TULP4: variants seen among roughly 807,000 people sequenced by gnomAD.
TULP4 encodes tubby-related protein 4.
Under a neutral mutation model 129.0 loss-of-function variants are expected in TULP4, and 16 were observed. The ratio of observed to expected loss-of-function variants is 0.12; its 90% CI spans 0.08 to 0.19. TULP4 has a LOEUF of 0.19. Among genes scored for constraint, TULP4 ranks in the 10% least tolerant of loss-of-function variants. The pLI is 1.00. For synonymous variants in TULP4, 998 were observed against 854.0 expected (o/e 1.17, Z -2.94); for missense variants, 1,842 against 2,059.1 (o/e 0.89, Z 2.04).
At chr6:158,278,266 A>G (rs143481863), upstream of TULP4, among the ~76,000 whole-genome samples, 100 of 152,320 alleles carry the variant, frequency 6.6e-4, 1 homozygote, top group African/African-American at 2.1e-3. Context: ...GTGTGGTACA[A>G]TGAGCTGTAT....
intron 1 of TULP4, among the ~76,000 whole-genome samples, chr6:158,403,911 T>C (rs1481500213): frequency 6.6e-6 from 1 of 152,180 alleles, no homozygotes; most frequent in Admixed American, 6.5e-5. Flanking sequence ...GTTTGAGTGG[T>C]TGGTGCCACT....
At chr6:158,243,847 G>GGTGTGTGTGTGT (rs57298904) in intron 1 of TULP4, among the ~76,000 whole-genome samples, 39 of 143,600 alleles carry the variant, frequency 2.7e-4, no homozygotes, top group African/African-American at 8.9e-4. Context: ...AGCTGAAATA[G>GGTGTGTGTGTGT]GTGTGTGTGT....
chr6:158,374,952 A>G (rs1777153262), intron 1 of TULP4, among the ~76,000 whole-genome samples: 1 of 152,190 alleles, frequency 6.6e-6, no homozygotes, highest in Admixed American at 6.5e-5. Context: ...CAAGTGTTAA[A>G]GAAGTTAAGG....
chr6:158,354,437 C>T (rs1032827155), intron 1 of TULP4, among the ~76,000 whole-genome samples: 2 of 152,066 alleles, frequency 1.3e-5, no homozygotes, highest in African/African-American at 2.4e-5. Context: ...CCACATTTGT[C>T]GACTGGTGTC....
intron 6 of TULP4, among the ~76,000 whole-genome samples, chr6:158,468,307 ATTTG>A (rs1435343001): frequency 6.6e-6 from 1 of 152,196 alleles, no homozygotes; most frequent in African/African-American, 2.4e-5. Flanking sequence ...TACTATTTTA[ATTTG>A]TTTAACTAAA....
intron 2 of TULP4, among the ~76,000 whole-genome samples, chr6:158,414,794 G>A (rs1028586528): frequency 5.9e-5 from 9 of 152,196 alleles, no homozygotes; most frequent in African/African-American, 1.9e-4. Flanking sequence ...AATGGAAGGG[G>A]AGCAAGGATA....
chr6:158,493,999 CTGGTCCCTCA>C lies in TULP4; in HGVS notation c.1776+283_1776+292del, dbSNP rs1780272186. On this transcript the variant is annotated intron_variant, in intron 10 of 13. Transcript: ENST00000367097. The surrounding 1 kb of genome is among the most constrained non-coding windows in gnomAD (Gnocchi z 4.4). ...GTCCAGCCCTGCCTGCCTTTCCCTC[CTGGTCCCTCA>C]GTGCCCCCTCACCCTCCGGGTGCTG... Among the ~76,000 whole-genome samples, 1 of 152,190 alleles carries C rather than the reference CTGGTCCCTCA, an allele frequency of 6.6e-6. No individual in the cohort carries two copies. Among genetic ancestry groups the C allele is most frequent in the Non-Finnish European group, 1.5e-5 (1 of 68,024 alleles).
chr6:158,416,369 A>C (rs1200464707), intron 2 of TULP4, among the ~76,000 whole-genome samples: 1 of 152,204 alleles, frequency 6.6e-6, no homozygotes, highest in African/African-American at 2.4e-5. Flanking sequence ...CAAGGTGTGG[A>C]GGCAGAAGAC....
chr6:158,466,475 A>G (rs1298686033), intron 6 of TULP4, among the ~76,000 whole-genome samples: 4 of 151,944 alleles, frequency 2.6e-5, no homozygotes, highest in African/African-American at 9.7e-5. Flanking sequence ...TTGATTAGTG[A>G]TGTTGTCGTG....
At position 158,339,447 on chromosome 6, in the gene TULP4, C is replaced by T. The variant is rs9457350; in HGVS notation, c.252+25179C>T. 2.5e-3 allele frequency among the ~76,000 whole-genome samples: 386 copies of T among 152,284 alleles called. 5 individuals carry two copies. The highest frequency in any genetic ancestry group is 8.9e-3 in the African/African-American group (369 of 41,534). ...GCAGAGAACCGGTCTGACTAGAATT[C>T]GCCAGGCTGGAATTTCCTAATCCTA... is the stretch of plus-strand genomic sequence containing the variant. On this transcript the variant is annotated intron_variant, in intron 1 of 13. Coordinates refer to ENST00000367097, the MANE Select transcript of TULP4 (RefSeq NM_020245.5).
chr6:158,313,189 G>A lies in TULP4; in HGVS notation c.-828G>A, dbSNP rs1449010228. ...GGAACATTCTGCCTCTTGAGTGAAGGGGCCTTCTTTCTAGCCTCTATGGCA... is the reference window on the plus strand; with the variant it reads ...GGAACATTCTGCCTCTTGAGTGAAGAGGCCTTCTTTCTAGCCTCTATGGCA... On this transcript the variant is annotated 5_prime_UTR_variant, in exon 1 of 14. Coordinates refer to ENST00000367097, the MANE Select transcript of TULP4 (RefSeq NM_020245.5). 1 of 296,200 alleles carries A rather than the reference G, an allele frequency of 3.4e-6. No individual in the cohort carries two copies. Among genetic ancestry groups the A allele is most frequent in the African/African-American group, 2.2e-5 (1 of 46,466 alleles). The allele number at this position is 296,200 out of a possible 1,614,324, so 18.3% of individuals were successfully genotyped here.
At chr6:158,379,702 A>G (rs1173444381) in intron 1 of TULP4, among the ~76,000 whole-genome samples, 2 of 152,198 alleles carry the variant, frequency 1.3e-5, no homozygotes, top group African/African-American at 2.4e-5. Flanking sequence ...CAGAGGGTCC[A>G]GGTACTCCAT....
At chr6:158,295,484 A>G (rs1583712795) in intron 1 of TULP4, among the ~76,000 whole-genome samples, 1 of 152,160 alleles carries the variant, frequency 6.6e-6, no homozygotes, top group Admixed American at 6.5e-5. Context: ...ATTAAAAAAA[A>G]AACAAAACTT....
In TULP4 at chr6:158,458,232, A is replaced by G. The variant is rs146525574; in HGVS notation, c.860-3331A>G. On this transcript the variant is annotated intron_variant, in intron 5 of 13. Transcript: ENST00000367097. ...ACACAAAGGGCTTCTTGTTAATACAAAAGAACTAAATTTTCACTGACTTCA... is the reference window on the plus strand; with the variant it reads ...ACACAAAGGGCTTCTTGTTAATACAGAAGAACTAAATTTTCACTGACTTCA... Among the ~76,000 whole-genome samples the G allele has an allele frequency of 9.4e-3, 1,425 of 152,220 alleles. 13 individuals are homozygous for G. Among genetic ancestry groups the G allele is most frequent in the Middle Eastern group, 0.024 (7 of 294 alleles).
At chr6:158,245,395 T>C (rs1043306113) in intron 1 of TULP4, among the ~76,000 whole-genome samples, 1 of 152,074 alleles carries the variant, frequency 6.6e-6, no homozygotes, top group African/African-American at 2.4e-5. Context: ...CTTGCTGATC[T>C]TATTATTTGG....
In TULP4 at chr6:158,476,641, G is replaced by A. The variant is rs534884131; in HGVS notation, c.1027-3110G>A. On this transcript the variant is annotated intron_variant, in intron 6 of 13. Coordinates refer to ENST00000367097, the MANE Select transcript of TULP4 (RefSeq NM_020245.5). ...GCTCTCTTCTGCTGTGATGAACCCC[G>A]CAGATCATTTATTTATATGCTGTGT... 2.2e-4 allele frequency among the ~76,000 whole-genome samples: 34 copies of A among 152,232 alleles called. No individual in the cohort carries two copies. The South Asian group carries it at 5.8e-3, about 26-fold the overall frequency.
chr6:158,397,101 C>T (rs916085238), intron 1 of TULP4, among the ~76,000 whole-genome samples: 1 of 152,178 alleles, frequency 6.6e-6, no homozygotes, highest in African/African-American at 2.4e-5. Flanking sequence ...AGAGGGAATC[C>T]ATGGGAAATG....
At chr6:158,297,283 G>C (rs34429218) in intron 1 of TULP4, among the ~76,000 whole-genome samples, 6,747 of 152,224 alleles carry the variant, frequency 0.044, 211 homozygotes, top group Middle Eastern at 0.071. Flanking sequence ...TATTCTGCCT[G>C]ACCCCGCAGG....
rs1416226417 is a variant in TULP4 at position 158,503,840 on chromosome 6, T to C, written c.4177T>C (p.Ser1393Pro). Reference sequence around the variant, plus strand: ...GAAGAGTCAGAAAGACCAACTGAAGTCAAAGAAGTTGAATAAGACAAACGA... The same window carrying C: ...GAAGAGTCAGAAAGACCAACTGAAGCCAAAGAAGTTGAATAAGACAAACGA... ...KVKSQKDQLK[S>P]KKLNKTNEFQ... Residue 1393 changes from serine to proline, a missense_variant, in exon 13 of 14, where the codon TCA (serine) becomes CCA (proline). By Grantham distance (74) the Ser-to-Pro change is moderately conservative. Coordinates refer to ENST00000367097, the MANE Select transcript of TULP4 (RefSeq NM_020245.5). This position sits in a 1 kb window ranked among gnomAD's most constrained non-coding sequence, Gnocchi z 4.3. 2 of 1,613,790 alleles carry C rather than the reference T, an allele frequency of 1.2e-6. No homozygotes were observed. The highest frequency in any genetic ancestry group is 2.2e-5 in the East Asian group (1 of 44,866).
Sources: gnomAD v4.1 joint callset for allele counts (sites outside exome capture counted in the v4.1 genomes callset) on GRCh38, gnomAD v4.1.1 for gene constraint, Gnocchi (gnomAD v3.1) non-coding constraint, MANE v1.5 for transcripts, NCBI Gene and HGNC (gene_info 2026-07-23, HGNC 2026-07-21) for gene names.